PTPRQ: variants seen among roughly 807,000 people sequenced by gnomAD.
The protein encoded by PTPRQ is protein tyrosine phosphatase receptor type Q.
PTPRQ carries 199 observed loss-of-function variants against 246.0 expected under a neutral mutation model. The observed-to-expected ratio is 0.81, with a 90% CI of 0.72 to 0.91. PTPRQ has a LOEUF of 0.91. Among genes scored for constraint, PTPRQ ranks in the 40% least tolerant of loss-of-function variants. The probability of loss-of-function intolerance (pLI) is 0.00; values close to 1 mark genes in which losing one functional copy is unlikely to be tolerated. For missense variants in PTPRQ, 2,624 were observed against 2,528.4 expected, an observed-to-expected ratio of 1.04 and a Z score of -0.81; for synonymous variants, 869 against 853.2, an observed-to-expected ratio of 1.02 and a Z score of -0.32.
intron 6 of PTPRQ, among the ~76,000 whole-genome samples, chr12:80,461,697 A>G (rs1337358448): frequency 1.3e-5 from 2 of 149,690 alleles, no homozygotes; most frequent in African/African-American, 4.9e-5. Context: ...AGGTATTGAA[A>G]ATTATTGGTA....
chr12:80,571,168 G>T (rs1321315372), intron 25 of PTPRQ, among the ~76,000 whole-genome samples: 2 of 151,786 alleles, frequency 1.3e-5, no homozygotes, highest in South Asian at 2.1e-4. Flanking sequence ...TATAAATTAT[G>T]GAGTCTCACT....
intron 8 of PTPRQ, among the ~76,000 whole-genome samples, chr12:80,481,181 C>T (rs1012751112): frequency 6.6e-5 from 10 of 152,146 alleles, no homozygotes; most frequent in Non-Finnish European, 1.3e-4. Context: ...CCACCATGAT[C>T]AAGTGGGCTT....
chr12:80,480,008 C>A (rs1205990183), intron 8 of PTPRQ, among the ~76,000 whole-genome samples: 1 of 152,082 alleles, frequency 6.6e-6, no homozygotes, highest in African/African-American at 2.4e-5. Flanking sequence ...GAACTCAGCT[C>A]TGCACCAAGT....
intron 9 of PTPRQ, 82 bp from the exon 10 acceptor site, chr12:80,493,193 T>A: frequency 3.8e-6 from 5 of 1,326,990 alleles, no homozygotes; most frequent in Non-Finnish European, 3.9e-6. Flanking sequence ...TCCAAAGTTA[T>A]AGGTTTTTTA....
chr12:80,553,509 T>C (rs966756026), intron 25 of PTPRQ, among the ~76,000 whole-genome samples: 3 of 152,170 alleles, frequency 2.0e-5, no homozygotes, highest in Non-Finnish European at 4.4e-5. Context: ...TCTGAGTCAC[T>C]GACTCCGTAC....
intron 34 of PTPRQ, among the ~76,000 whole-genome samples, chr12:80,634,187 G>A (rs538405307): frequency 7.2e-5 from 11 of 152,012 alleles, no homozygotes; most frequent in Non-Finnish European, 1.2e-4. Context: ...AAATTGTAAT[G>A]TCTTTGAGGG....
intron 25 of PTPRQ, among the ~76,000 whole-genome samples, chr12:80,560,571 T>A (rs1319418823): frequency 6.6e-6 from 1 of 152,202 alleles, no homozygotes; most frequent in African/African-American, 2.4e-5. Flanking sequence ...TAACTATAGT[T>A]CTTGCACAGA....
chr12:80,640,561 A>G (rs915338409), intron 35 of PTPRQ, among the ~76,000 whole-genome samples: 9 of 152,210 alleles, frequency 5.9e-5, no homozygotes, highest in Non-Finnish European at 8.8e-5. Context: ...TAAATAATGA[A>G]TCTTTACTTG....
chr12:80,648,287 G>A (rs182705160), intron 35 of PTPRQ, among the ~76,000 whole-genome samples: 335 of 151,966 alleles, frequency 2.2e-3, no homozygotes, highest in African/African-American at 7.2e-3. Context: ...TTAATGATAC[G>A]CCCCTCTCTA....
chr12:80,495,152 A>G, intron 11 of PTPRQ, 40 bp from the exon 12 acceptor site: 5 of 1,548,098 alleles, frequency 3.2e-6, no homozygotes, highest in South Asian at 1.2e-5. Flanking sequence ...GTACACTGTG[A>G]TACTTTTTTT....
chr12:80,537,345 C>G (rs1896017949), intron 19 of PTPRQ, among the ~76,000 whole-genome samples: 1 of 152,126 alleles, frequency 6.6e-6, no homozygotes, highest in Non-Finnish European at 1.5e-5. Context: ...TCATCTTTCC[C>G]CTTCCTACAG....
chr12:80,516,699 T>G (rs1895310426), intron 17 of PTPRQ, among the ~76,000 whole-genome samples: 1 of 152,218 alleles, frequency 6.6e-6, no homozygotes, highest in African/African-American at 2.4e-5. Context: ...CCAAGTTTTC[T>G]AAAAGATTTT....
At chr12:80,585,859 A>G (rs991980967) in intron 25 of PTPRQ, among the ~76,000 whole-genome samples, 5 of 145,248 alleles carry the variant, frequency 3.4e-5, no homozygotes, top group African/African-American at 1.3e-4. Context: ...CATTAGGTAT[A>G]TCTCCCAATG....
chr12:80,472,493 T>C (rs1893671884), intron 8 of PTPRQ, among the ~76,000 whole-genome samples: 1 of 152,190 alleles, frequency 6.6e-6, no homozygotes, highest in Admixed American at 6.5e-5. Context: ...AGTATTGGCC[T>C]GTTAGAGATT....
intron 26 of PTPRQ, among the ~76,000 whole-genome samples, chr12:80,591,120 CTTTTTT>C (rs757029945): frequency 3.9e-5 from 3 of 77,386 alleles, no homozygotes; most frequent in South Asian, 4.3e-4. Flanking sequence ...TTGATCATTG[CTTTTTT>C]TTTTTTTTTT....
rs1288827833 is a variant in PTPRQ, at chr12:80,619,431, G to A, written c.5278G>A (p.Gly1760Arg). The A allele has an allele frequency of 5.8e-6, 9 of 1,548,044 alleles. No homozygotes were observed. The highest frequency in any genetic ancestry group is 7.9e-6 in the Non-Finnish European group (9 of 1,144,738). The change falls in exon 31 of 45, where the codon GGA becomes AGA. Residue 1760 changes from glycine to arginine, a missense_variant. Transcript: ENST00000644991. ...ACCAACCCCTATTTATGATGCCACA[G>A]GAAAACTGCTTGTGACTTCAACAAC... ...TKPTPIYDAT[G>R]KLLVTSTTIT...
chr12:80,613,906 A>G lies in PTPRQ; in HGVS notation c.5163+70A>G, dbSNP rs1406739960. Reference sequence around the variant, plus strand: ...GTTTATGAACTTGGCATTTAAAAATATTGCAGTTTGTGTACACATGACATT... The same window carrying G: ...GTTTATGAACTTGGCATTTAAAAATGTTGCAGTTTGTGTACACATGACATT... On this transcript the variant is annotated intron_variant, in intron 29 of 44. Transcript: ENST00000644991. The G allele has an allele frequency of 9.9e-6, 14 of 1,416,018 alleles. No individual in the cohort carries two copies. In the African/African-American group the frequency reaches 1.8e-4, roughly 18 times the overall value. The allele number at this position is 1,416,018 out of a possible 1,614,324, so 87.7% of individuals were successfully genotyped here.
At chr12:80,546,821 A>AG in intron 24 of PTPRQ, 124 bp downstream of exon 24, 1 of 1,188,716 alleles carries the variant, frequency 8.4e-7, no homozygotes, top group Non-Finnish European at 1.2e-6. Flanking sequence ...ATTGCATTTC[A>AG]GTGCTTTACG....
intron 27 of PTPRQ, among the ~76,000 whole-genome samples, chr12:80,609,472 T>C (rs1162953209): frequency 6.6e-6 from 1 of 150,640 alleles, no homozygotes; most frequent in Non-Finnish European, 1.5e-5. Context: ...AAGTAGTATG[T>C]ATGATAGGAT....
Sources: gnomAD v4.1 joint callset for allele counts (sites outside exome capture counted in the v4.1 genomes callset) on GRCh38, gnomAD v4.1.1 for gene constraint, MANE v1.5 for transcripts, NCBI Gene and HGNC (gene_info 2026-07-23, HGNC 2026-07-21) for gene names.